The following LGSN variants were observed in gnomAD, a reference collection of about 807,000 sequenced individuals.
LGSN encodes the protein lengsin, lens protein with glutamine synthetase domain.
In LGSN, 21 loss-of-function variants were observed where a neutral mutation model predicts 19.5. The ratio of observed to expected loss-of-function variants is 1.07; its 90% CI spans 0.76 to 1.55. LGSN has a LOEUF of 1.55. Among genes scored for constraint, LGSN ranks in the 40% most tolerant of loss-of-function variants. The pLI is 0.00. For missense variants in LGSN, 673 were observed against 608.5 expected (o/e 1.11, Z -1.12); for synonymous variants, 257 against 215.6 (o/e 1.19, Z -1.68).
chr6:63,400,517 C>T, the LGSN span, among the ~76,000 whole-genome samples: 10 of 152,290 alleles, frequency 6.6e-5, no homozygotes, highest in East Asian at 1.9e-4. Context: ...GGGCTCCGCA[C>T]GAACATATTC....
the LGSN span, among the ~76,000 whole-genome samples, chr6:63,529,042 T>C: frequency 8.6e-5 from 13 of 150,826 alleles, no homozygotes; most frequent in Non-Finnish European, 1.8e-4. Flanking sequence ...TGAGCCGAGA[T>C]TGCACCACTG....
chr6:63,301,193 AG>A (rs1467544206), intron 1 of LGSN, among the ~76,000 whole-genome samples: 5 of 152,160 alleles, frequency 3.3e-5, no homozygotes, highest in African/African-American at 1.2e-4. Flanking sequence ...AGGGAGACTG[AG>A]GCAGGAGAAT....
At chr6:63,305,757 TA>T (rs1415499322) in intron 1 of LGSN, among the ~76,000 whole-genome samples, 6 of 152,182 alleles carry the variant, frequency 3.9e-5, no homozygotes, top group African/African-American at 1.4e-4. Context: ...TTAATTTGCC[TA>T]AAGTCTTTTA....
the LGSN span, among the ~76,000 whole-genome samples, chr6:63,444,394 G>C: frequency 6.6e-6 from 1 of 152,170 alleles, no homozygotes; most frequent in Non-Finnish European, 1.5e-5. Flanking sequence ...ATGTGTGATA[G>C]ACTAAAATCA....
In LGSN at chr6:63,276,109, T is replaced by A. The variant is rs1284072572; in HGVS notation, c.*3912A>T. The A allele has an allele frequency of 1.3e-5, 2 of 152,320 alleles. No individual in the cohort carries two copies. Among genetic ancestry groups the A allele is most frequent in the South Asian group, 4.1e-4 (2 of 4,826 alleles). 9.4% of individuals were successfully genotyped at this position (152,320 alleles called of 1,614,324 possible). The stretch of plus-strand genomic sequence containing the variant: ...TTAAAGACACAAATTCTTACCCCTG[T>A]CATAGAAAACCCAAGGTTAAAGGTA... On this transcript the variant is annotated 3_prime_UTR_variant, in exon 4 of 4. Transcript: ENST00000370657.
the LGSN span, among the ~76,000 whole-genome samples, chr6:63,503,958 A>C: frequency 6.6e-6 from 1 of 152,082 alleles, no homozygotes; most frequent in Admixed American, 6.6e-5. Flanking sequence ...ATATATAAAA[A>C]TTTATATGCA....
chr6:63,478,709 TA>T, the LGSN span, among the ~76,000 whole-genome samples: 1 of 152,234 alleles, frequency 6.6e-6, no homozygotes, highest in Non-Finnish European at 1.5e-5. Flanking sequence ...AATTTAAACT[TA>T]TTTCCTCAAA....
chr6:63,356,136 C>G, the LGSN span, among the ~76,000 whole-genome samples: 337 of 152,268 alleles, frequency 2.2e-3, 2 homozygotes, highest in African/African-American at 7.8e-3. Flanking sequence ...ACTACATCTG[C>G]AAACACTGTA....
At chr6:63,364,747 C>T in the LGSN span, among the ~76,000 whole-genome samples, 1 of 152,204 alleles carries the variant, frequency 6.6e-6, no homozygotes, top group Non-Finnish European at 1.5e-5. Context: ...TCTCAGACCA[C>T]AGTGCAATCA....
At chr6:63,480,223 A>G in the LGSN span, 1 of 221,428 alleles carries the variant, frequency 4.5e-6, no homozygotes, top group Admixed American at 4.2e-5. Flanking sequence ...GGTATGTGCC[A>G]TCACAAGCAG....
the LGSN span, among the ~76,000 whole-genome samples, chr6:63,426,960 G>A: frequency 6.6e-6 from 1 of 151,750 alleles, no homozygotes; most frequent in Non-Finnish European, 1.5e-5. Context: ...CACAACTAAT[G>A]TCCTTTTATA....
chr6:63,361,277 T>C, the LGSN span, among the ~76,000 whole-genome samples: 1 of 152,068 alleles, frequency 6.6e-6, no homozygotes, highest in Non-Finnish European at 1.5e-5. Flanking sequence ...ATGCAGGCAG[T>C]CCTCCTTGAG....
At chr6:63,469,447 G>A in the LGSN span, among the ~76,000 whole-genome samples, 1 of 152,138 alleles carries the variant, frequency 6.6e-6, no homozygotes, top group Non-Finnish European at 1.5e-5. Context: ...AAGATCAAAG[G>A]CCTAGAAAAA....
the LGSN span, among the ~76,000 whole-genome samples, chr6:63,367,924 C>G: frequency 2.7e-5 from 4 of 150,784 alleles, no homozygotes; most frequent in Admixed American, 6.6e-5. Context: ...GGTAACATCA[C>G]ACACTGGGGC....
At chr6:63,441,138 G>C in the LGSN span, 2 of 191,142 alleles carry the variant, frequency 1.0e-5, no homozygotes, top group South Asian at 2.0e-4. Flanking sequence ...TAACCTGGGA[G>C]GCCGAGGTTG....
chr6:63,412,525 A>AGAAAGAAAGAAG, the LGSN span, among the ~76,000 whole-genome samples: 1 of 84,226 alleles, frequency 1.2e-5, no homozygotes, highest in Admixed American at 1.3e-4. Context: ...AAAGAAAGAA[A>AGAAAGAAAGAAG]GAAGGAAAGA....
the LGSN span, among the ~76,000 whole-genome samples, chr6:63,344,814 C>T: frequency 6.6e-6 from 1 of 152,036 alleles, no homozygotes; most frequent in Non-Finnish European, 1.5e-5. Flanking sequence ...GAAAAAAATA[C>T]TCATAGAATG....
chr6:63,406,450 G>A, the LGSN span, among the ~76,000 whole-genome samples: 3 of 151,532 alleles, frequency 2.0e-5, no homozygotes, highest in Admixed American at 1.3e-4. Flanking sequence ...TGAAATGAAG[G>A]CAGAAATAAA....
At chr6:63,538,741 G>C in the LGSN span, among the ~76,000 whole-genome samples, 3 of 152,310 alleles carry the variant, frequency 2.0e-5, no homozygotes, top group East Asian at 3.9e-4. Context: ...TGGAAGGCTT[G>C]TTAAAACACA....
Sources: gnomAD v4.1 joint callset for allele counts (sites outside exome capture counted in the v4.1 genomes callset) on GRCh38, gnomAD v4.1.1 for gene constraint, MANE v1.5 for transcripts, NCBI Gene and HGNC (gene_info 2026-07-23, HGNC 2026-07-21) for gene names.